The following EYS variants were observed in gnomAD, a reference collection of about 807,000 sequenced individuals.
EYS encodes EGF-like photoreceptor maintenance factor.
A neutral mutation model predicts 282.1 loss-of-function variants in EYS; 250 were observed. The observed-to-expected ratio is 0.89, with a 90% confidence interval of 0.80 to 0.98. EYS has a LOEUF of 0.98. Ranked by LOEUF, EYS falls within the 50% of genes least tolerant of loss-of-function variation. The pLI is 0.00. For missense variants in EYS, 4,016 were observed against 3,709.0 expected (o/e 1.08, Z -2.15); for synonymous variants, 1,355 against 1,282.9 (o/e 1.06, Z -1.20).
chr6:64,296,596 ATATT>A (rs1769032616), intron 30 of EYS, among the ~76,000 whole-genome samples: 5 of 6,156 alleles, frequency 8.1e-4, no homozygotes, highest in Admixed American at 2.0e-3. Context: ...ATATATATAT[ATATT>A]TTTTTTTTTT....
At chr6:63,950,724 A>G (rs1365703134) in intron 35 of EYS, among the ~76,000 whole-genome samples, 1 of 151,924 alleles carries the variant, frequency 6.6e-6, no homozygotes, top group Non-Finnish European at 1.5e-5. Flanking sequence ...GGAACATCTC[A>G]CCAATTTTTA....
At position 64,445,682 on chromosome 6, in the gene EYS, G is replaced by C. The variant is rs1040057687; in HGVS notation, c.5645-6330C>G. On this transcript the variant is annotated intron_variant, in intron 26 of 42. Coordinates refer to ENST00000503581, the MANE Select transcript of EYS (RefSeq NM_001142800.2). ...ATATTCACAGGCTGAGTTTTAATATGAGACTTGCTTTTCACATGATTCCAA... is the reference window on the plus strand; with the variant it reads ...ATATTCACAGGCTGAGTTTTAATATCAGACTTGCTTTTCACATGATTCCAA... Among the ~76,000 whole-genome samples the C allele has an allele frequency of 2.6e-5, 4 of 152,246 alleles. No homozygotes were observed. The East Asian group carries it at 7.7e-4, about 29-fold the overall frequency.
chr6:65,186,202 T>G (rs1765513823), intron 12 of EYS, among the ~76,000 whole-genome samples: 1 of 151,790 alleles, frequency 6.6e-6, no homozygotes, highest in Non-Finnish European at 1.5e-5. Context: ...TGAGAGAACT[T>G]TACCTCAACA....
intron 2 of EYS, among the ~76,000 whole-genome samples, chr6:65,584,409 T>C (rs914655820): frequency 1.3e-5 from 2 of 152,046 alleles, no homozygotes; most frequent in Non-Finnish European, 2.9e-5. Flanking sequence ...TAGGAGACCC[T>C]AGAACAGGCG....
rs77269511 is a variant in EYS at position 65,563,066 on chromosome 6, C to T, written c.-332-67073G>A. 7.7e-3 allele frequency among the ~76,000 whole-genome samples: 1,165 copies of T among 152,160 alleles called. 18 individuals carry two copies. Among genetic ancestry groups the T allele is most frequent in the African/African-American group, 0.025 (1,044 of 41,534 alleles). ...TTAGTTCTAGAAAGAATTAAGTATC[C>T]TTTCATCCAACTGCTTCTTTTTACT... On this transcript the variant is annotated intron_variant, in intron 2 of 42. Transcript: ENST00000503581.
intron 2 of EYS, among the ~76,000 whole-genome samples, chr6:65,518,301 A>G (rs1301013625): frequency 6.6e-6 from 1 of 152,162 alleles, no homozygotes; most frequent in Admixed American, 6.6e-5. Flanking sequence ...CCCATATCTT[A>G]TAAAAATTAT....
intron 29 of EYS, among the ~76,000 whole-genome samples, chr6:64,387,650 AC>A (rs1355060281): frequency 6.6e-6 from 1 of 152,148 alleles, no homozygotes; most frequent in Non-Finnish European, 1.5e-5. Flanking sequence ...CTATCATGGA[AC>A]TTTTAGAATG....
intron 22 of EYS, among the ~76,000 whole-genome samples, chr6:64,642,945 G>C (rs111576621): frequency 6.6e-6 from 1 of 152,114 alleles, no homozygotes; most frequent in Non-Finnish European, 1.5e-5. Flanking sequence ...GAGAAACCCC[G>C]TCTCTACTAG....
chr6:64,168,354 C>A (rs1273451575), intron 31 of EYS, among the ~76,000 whole-genome samples: 2 of 152,150 alleles, frequency 1.3e-5, no homozygotes, highest in African/African-American at 4.8e-5. Flanking sequence ...TTATTGAATG[C>A]ACAATGGTGC....
rs367953705 is a variant in EYS at position 64,685,248 on chromosome 6, C to T, written c.3444-59003G>A. ...TATATTAATCCTAAATATGCACATA[C>T]TTAAAAGAATAATTATAGTTGGACA... On this transcript the variant is annotated intron_variant, in intron 22 of 42. Coordinates refer to ENST00000503581, the MANE Select transcript of EYS (RefSeq NM_001142800.2). Among the ~76,000 whole-genome samples the T allele has an allele frequency of 3.5e-4, 53 of 152,176 alleles. No individual in the cohort carries two copies. The East Asian group carries it at 3.7e-3, about 11-fold the overall frequency.
intron 40 of EYS, among the ~76,000 whole-genome samples, chr6:63,773,425 C>T (rs1478387688): frequency 2.0e-5 from 3 of 152,176 alleles, no homozygotes; most frequent in Admixed American, 6.5e-5. Flanking sequence ...TCACAAGAAA[C>T]TCAGCTGATT....
chr6:63,750,400 GAGA>G (rs1164797613), intron 41 of EYS, among the ~76,000 whole-genome samples: 2 of 152,202 alleles, frequency 1.3e-5, no homozygotes, highest in South Asian at 4.1e-4. Flanking sequence ...CTTTGTACAG[GAGA>G]AGACCTTCTT....
intron 14 of EYS, among the ~76,000 whole-genome samples, chr6:64,973,984 T>C (rs983058035): frequency 4.6e-5 from 7 of 151,822 alleles, no homozygotes; most frequent in African/African-American, 1.7e-4. Context: ...TTAAATAAAT[T>C]TAGAAAACAT....
At chr6:64,010,192 C>T (rs1357278859) in intron 33 of EYS, among the ~76,000 whole-genome samples, 1 of 152,226 alleles carries the variant, frequency 6.6e-6, no homozygotes, top group African/African-American at 2.4e-5. Context: ...GGCCAAAGCA[C>T]TGCGTCGGGG....
chr6:65,292,368 T>G (rs537980338), intron 12 of EYS, among the ~76,000 whole-genome samples: 1 of 151,756 alleles, frequency 6.6e-6, no homozygotes, highest in African/African-American at 2.4e-5. Context: ...CTAGGTTAAT[T>G]AAATGTCTAT....
intron 35 of EYS, among the ~76,000 whole-genome samples, chr6:63,938,234 G>C (rs545094418): frequency 6.6e-6 from 1 of 152,186 alleles, no homozygotes; most frequent in African/African-American, 2.4e-5. Context: ...TGCTGGTCTC[G>C]TATGGTGATA....
intron 1 of EYS, among the ~76,000 whole-genome samples, chr6:65,652,685 T>C (rs1475001662): frequency 1.3e-5 from 2 of 151,948 alleles, no homozygotes; most frequent in South Asian, 2.1e-4. Context: ...AAAGACATAC[T>C]AGGGAGAATA....
chr6:63,741,489 T>A (rs1769074721), intron 41 of EYS, among the ~76,000 whole-genome samples: 2 of 152,214 alleles, frequency 1.3e-5, no homozygotes, highest in East Asian at 1.9e-4. Flanking sequence ...AAGATGTTTT[T>A]AATATGAGCA....
chr6:65,585,617 A>G (rs1182465568), intron 2 of EYS, among the ~76,000 whole-genome samples: 1 of 151,966 alleles, frequency 6.6e-6, no homozygotes, highest in Non-Finnish European at 1.5e-5. Context: ...TTTGAAGCAG[A>G]AATATTATAA....
Sources: allele counts gnomAD v4.1 joint callset (sites outside exome capture counted in the v4.1 genomes callset), GRCh38; gene constraint gnomAD v4.1.1; transcripts MANE v1.5; gene names NCBI Gene and HGNC (gene_info 2026-07-23, HGNC 2026-07-21).